Variants in NHS observed in about 807,000 individuals in gnomAD.
NHS encodes actin remodeling regulator NHS.
Under a neutral mutation model 72.5 loss-of-function variants are expected in NHS, and 5 were observed. That is an observed-to-expected ratio of 0.07 (90% CI 0.04 to 0.14). The LOEUF (loss-of-function observed/expected upper bound fraction) is 0.14. Among genes scored for constraint, NHS ranks in the 10% least tolerant of loss-of-function variants. NHS has a pLI of 1.00. For synonymous variants in NHS, 464 were observed against 547.7 expected (o/e 0.85, Z 2.13); for missense variants, 1,072 against 1,355.7 (o/e 0.79, Z 3.29).
intron 1 of NHS, among the ~76,000 whole-genome samples, chrX:17,398,551 T>C (rs1297466416): frequency 1.8e-5 from 2 of 112,274 alleles, no homozygotes; most frequent in Non-Finnish European, 3.8e-5. Context: ...AGCCCATAAT[T>C]CTATGAGTTG....
intron 1 of NHS, among the ~76,000 whole-genome samples, chrX:17,444,838 TG>T (rs2064771223): frequency 9.0e-6 from 1 of 111,397 alleles, no homozygotes. Flanking sequence ...TGTTGGGAAA[TG>T]GTGCTGAGAA....
chrX:17,443,644 T>A, intron 1 of NHS, among the ~76,000 whole-genome samples: 1 of 111,937 alleles, frequency 8.9e-6, no homozygotes, highest in East Asian at 2.8e-4. Context: ...CATTGCAAAT[T>A]TCCTTCATTC....
intron 1 of NHS, among the ~76,000 whole-genome samples, chrX:17,455,026 T>G (rs772949022): frequency 2.6e-3 from 296 of 111,970 alleles, no homozygotes; most frequent in Non-Finnish European, 4.0e-3. Flanking sequence ...TGTGCAGATT[T>G]CCTTCTTTAC....
intron 3 of NHS, among the ~76,000 whole-genome samples, chrX:17,705,072 G>A (rs1351655475): frequency 1.8e-5 from 2 of 112,084 alleles, no homozygotes; most frequent in Non-Finnish European, 3.8e-5. Context: ...GAAGAGTGGA[G>A]ATAACATTTA....
intron 1 of NHS, among the ~76,000 whole-genome samples, chrX:17,576,106 C>G (rs1290184728): frequency 9.0e-6 from 1 of 111,215 alleles, no homozygotes; most frequent in Non-Finnish European, 1.9e-5. Context: ...TCTAGAGTAT[C>G]CAGGGAATGT....
chrX:17,553,717 A>C (rs2065349631), intron 1 of NHS, among the ~76,000 whole-genome samples: 1 of 108,511 alleles, frequency 9.2e-6, no homozygotes, highest in African/African-American at 3.4e-5. Context: ...TTCCTTATTC[A>C]CGCCCTGGGC....
chrX:17,547,263 C>T (rs1323363766), intron 1 of NHS, among the ~76,000 whole-genome samples: 1 of 112,699 alleles, frequency 8.9e-6, no homozygotes, highest in Non-Finnish European at 1.9e-5. Context: ...ACCAGACAGA[C>T]TCTGTGGATT....
intron 1 of NHS, among the ~76,000 whole-genome samples, chrX:17,536,273 G>T (rs1409522627): frequency 8.9e-6 from 1 of 112,325 alleles, no homozygotes; most frequent in East Asian, 2.8e-4. Context: ...GAGAATGGTG[G>T]GAACCTGGGA....
At chrX:17,499,701 G>T (rs932100867) in intron 1 of NHS, among the ~76,000 whole-genome samples, 5 of 111,767 alleles carry the variant, frequency 4.5e-5, no homozygotes, top group South Asian at 3.9e-4. Flanking sequence ...GCTTTTATCT[G>T]CAGGGAGAGA....
intron 1 of NHS, among the ~76,000 whole-genome samples, chrX:17,462,358 A>G (rs1159794050): frequency 9.0e-6 from 1 of 111,449 alleles, no homozygotes; most frequent in African/African-American, 3.3e-5. Flanking sequence ...TCATACAACT[A>G]GTAAGAGGTG....
intron 1 of NHS, among the ~76,000 whole-genome samples, chrX:17,593,821 G>T (rs1432155130): frequency 8.9e-6 from 1 of 111,909 alleles, no homozygotes; most frequent in African/African-American, 3.3e-5. Flanking sequence ...GTTTCGAGGG[G>T]TTTTTTGATG....
Position 17,375,696 on chromosome X carries a change from C to A in NHS, c.-62C>A. Reference sequence around the variant, plus strand: ...CCCCTCCCTGCTCAGGTGGGCGCGCCCGGTCTCCAGCTCACAGGGGCGCTT... The same window carrying A: ...CCCCTCCCTGCTCAGGTGGGCGCGCACGGTCTCCAGCTCACAGGGGCGCTT... On this transcript the variant is annotated 5_prime_UTR_variant, in exon 1 of 9. Transcript: ENST00000676302. 3 of 1,133,086 alleles carry A rather than the reference C, an allele frequency of 2.6e-6. No individual in the cohort carries two copies. Among genetic ancestry groups the A allele is most frequent in the Non-Finnish European group, 3.5e-6 (3 of 854,550 alleles). 93.4% of individuals were successfully genotyped at this position (1,133,086 alleles called of 1,213,427 possible).
intron 1 of NHS, among the ~76,000 whole-genome samples, chrX:17,490,871 T>G (rs777429750): frequency 7.2e-5 from 8 of 111,691 alleles, no homozygotes; most frequent in Admixed American, 9.5e-5. Context: ...CTAGGTATTT[T>G]ATTCTCTTTG....
intron 1 of NHS, among the ~76,000 whole-genome samples, chrX:17,536,857 C>G (rs940211938): frequency 8.0e-5 from 9 of 111,914 alleles, no homozygotes; most frequent in African/African-American, 1.6e-4. Flanking sequence ...TGCAAAGCCT[C>G]TTTTTTTCCA....
At chrX:17,687,138 AC>A (rs2066167037) in intron 1 of NHS, 1 of 122,194 alleles carries the variant, frequency 8.2e-6, no homozygotes, top group South Asian at 2.9e-4. Flanking sequence ...GCGTATGCTC[AC>A]CCCTGGGTGA....
At chrX:17,579,648 G>A (rs2065532552) in intron 1 of NHS, among the ~76,000 whole-genome samples, 1 of 111,203 alleles carries the variant, frequency 9.0e-6, no homozygotes, top group African/African-American at 3.3e-5. Context: ...GGATCCAGAC[G>A]GAAACAGTGA....
At chrX:17,458,240 T>C (rs1047970427) in intron 1 of NHS, among the ~76,000 whole-genome samples, 6 of 111,638 alleles carry the variant, frequency 5.4e-5, no homozygotes, top group African/African-American at 2.0e-4. Context: ...TTTGTTTGTT[T>C]GTTTCTTGAC....
chrX:17,426,080 G>A (rs2064655513), intron 1 of NHS: 2 of 112,121 alleles, frequency 1.8e-5, no homozygotes, highest in South Asian at 7.5e-4. Flanking sequence ...AAATTCCAGT[G>A]GTGTGGAGGA....
intron 1 of NHS, among the ~76,000 whole-genome samples, chrX:17,571,354 A>G (rs1421565323): frequency 8.9e-6 from 1 of 112,060 alleles, no homozygotes; most frequent in African/African-American, 3.2e-5. Context: ...AGAACCTGTT[A>G]TTGGTCTATT....
Sources: gnomAD v4.1 joint callset for allele counts (sites outside exome capture counted in the v4.1 genomes callset) on GRCh38, gnomAD v4.1.1 for gene constraint, MANE v1.5 for transcripts, NCBI Gene and HGNC (gene_info 2026-07-23, HGNC 2026-07-21) for gene names.